Variants in STARD13 observed in about 807,000 individuals in gnomAD.
STARD13 encodes StAR related lipid transfer domain containing 13.
Under a neutral mutation model 106.4 loss-of-function variants are expected in STARD13, and 62 were observed. The observed-to-expected ratio is 0.58, with a 90% confidence interval of 0.48 to 0.72. The LOEUF (loss-of-function observed/expected upper bound fraction) is 0.72, where lower values mean the gene tolerates loss of function less well. Among genes scored for constraint, STARD13 ranks in the 30% least tolerant of loss-of-function variants. STARD13 has a pLI of 0.00. For missense variants in STARD13, 1,387 were observed against 1,424.0 expected (o/e 0.97, Z 0.42); for synonymous variants, 565 against 553.0 (o/e 1.02, Z -0.31).
At chr13:33,276,620 G>C (rs1197722475) in intron 1 of STARD13, 1 of 152,132 alleles carries the variant, frequency 6.6e-6, no homozygotes, top group African/African-American at 2.4e-5. Context: ...TTCACTCATA[G>C]AGATTGAATA....
chr13:33,423,894 T>C, the STARD13 span, among the ~76,000 whole-genome samples: 1 of 152,050 alleles, frequency 6.6e-6, no homozygotes, highest in Non-Finnish European at 1.5e-5. Context: ...AATTGAACAA[T>C]GAGAACACTT....
chr13:33,222,079 G>T (rs1888390308), intron 1 of STARD13, among the ~76,000 whole-genome samples: 1 of 151,628 alleles, frequency 6.6e-6, no homozygotes, highest in Non-Finnish European at 1.5e-5. Context: ...AACCCGGGAG[G>T]TAGAGGTTGC....
intron 1 of STARD13, among the ~76,000 whole-genome samples, chr13:33,303,943 C>T (rs1386957506): frequency 6.6e-6 from 1 of 152,204 alleles, no homozygotes; most frequent in Non-Finnish European, 1.5e-5. Flanking sequence ...AGTGTGACAT[C>T]ACCAGGAGCT....
At chr13:33,529,773 G>A in the STARD13 span, among the ~76,000 whole-genome samples, 1 of 152,108 alleles carries the variant, frequency 6.6e-6, no homozygotes, top group South Asian at 2.1e-4. Context: ...TATTTCAGGG[G>A]ATGGGAATCC....
chr13:33,147,224 T>C (rs114858938), intron 3 of STARD13, among the ~76,000 whole-genome samples: 69 of 152,308 alleles, frequency 4.5e-4, no homozygotes, highest in African/African-American at 1.6e-3. Context: ...GAGATGTCCA[T>C]AGGGGACTTA....
the STARD13 span, among the ~76,000 whole-genome samples, chr13:33,528,886 T>A: frequency 6.6e-6 from 1 of 152,202 alleles, no homozygotes; most frequent in Admixed American, 6.5e-5. Flanking sequence ...ATCATTCTAA[T>A]TTTTGCCAAA....
At chr13:33,193,517 G>A (rs973756931) in intron 1 of STARD13, among the ~76,000 whole-genome samples, 4 of 152,172 alleles carry the variant, frequency 2.6e-5, no homozygotes, top group Non-Finnish European at 5.9e-5. Flanking sequence ...TGACACTCAG[G>A]TAGACATTAC....
At chr13:33,537,058 G>GCAGCAAGA in the STARD13 span, among the ~76,000 whole-genome samples, 351 of 152,288 alleles carry the variant, frequency 2.3e-3, no homozygotes, top group African/African-American at 8.2e-3. Flanking sequence ...AACAATTTCA[G>GCAGCAAGA]GATTCATTAA....
the STARD13 span, among the ~76,000 whole-genome samples, chr13:33,425,322 G>T: frequency 6.6e-6 from 1 of 152,178 alleles, no homozygotes; most frequent in East Asian, 1.9e-4. Flanking sequence ...GCATGCCGAG[G>T]TAGGCACCAC....
the STARD13 span, chr13:33,657,575 G>A: frequency 2.0e-5 from 3 of 152,210 alleles, no homozygotes; most frequent in Non-Finnish European, 4.4e-5. Flanking sequence ...TGAACTTAGG[G>A]ACATGTTTGG....
chr13:33,525,149 G>A, the STARD13 span, among the ~76,000 whole-genome samples: 2 of 151,876 alleles, frequency 1.3e-5, no homozygotes, highest in African/African-American at 4.8e-5. Context: ...AGCCTCCCCA[G>A]TAGCTGGTAT....
the STARD13 span, among the ~76,000 whole-genome samples, chr13:33,566,780 G>A: frequency 1.4e-5 from 2 of 147,848 alleles, no homozygotes; most frequent in Non-Finnish European, 3.0e-5. Flanking sequence ...GCTCTCAGGT[G>A]CAGGCTATTA....
At chr13:33,359,029 G>T in the STARD13 span, among the ~76,000 whole-genome samples, 2 of 152,162 alleles carry the variant, frequency 1.3e-5, no homozygotes, top group Non-Finnish European at 2.9e-5. Flanking sequence ...TGACAAAACA[G>T]GCTACTGGGC....
chr13:33,578,370 A>G, the STARD13 span, among the ~76,000 whole-genome samples: 3 of 151,796 alleles, frequency 2.0e-5, no homozygotes, highest in African/African-American at 7.3e-5. Flanking sequence ...GATCTTTGAC[A>G]AAGCATAAGA....
At chr13:33,146,443 C>T (rs78343281) in intron 3 of STARD13, among the ~76,000 whole-genome samples, 4,172 of 152,190 alleles carry the variant, frequency 0.027, 204 homozygotes, top group African/African-American at 0.093. Context: ...GAGACCACGC[C>T]ACTGCACTCC....
intron 6 of STARD13, 31 bp downstream of exon 6, chr13:33,127,342 G>A (rs751154000): frequency 6.5e-7 from 1 of 1,527,302 alleles, no homozygotes; most frequent in Non-Finnish European, 8.8e-7. Flanking sequence ...CTAGAGCCAA[G>A]GATCCCCTCC....
chr13:33,638,587 C>T, the STARD13 span, among the ~76,000 whole-genome samples: 1 of 152,170 alleles, frequency 6.6e-6, no homozygotes, highest in African/African-American at 2.4e-5. Flanking sequence ...CTCCAGGTAG[C>T]AGGCTTCAGA....
chr13:33,206,926 G>A (rs966900008), intron 1 of STARD13, among the ~76,000 whole-genome samples: 8 of 152,232 alleles, frequency 5.3e-5, no homozygotes, highest in Admixed American at 4.6e-4. Flanking sequence ...TTTATTTCTC[G>A]GCAGTGTCCT....
chr13:33,663,103 G>A, the STARD13 span, among the ~76,000 whole-genome samples: 1 of 151,858 alleles, frequency 6.6e-6, no homozygotes, highest in South Asian at 2.1e-4. Context: ...TTTGGAGATA[G>A]GGTCTCATTC....
Sources: gnomAD v4.1 joint callset for allele counts (sites outside exome capture counted in the v4.1 genomes callset) on GRCh38, gnomAD v4.1.1 for gene constraint, MANE v1.5 for transcripts, NCBI Gene and HGNC (gene_info 2026-07-23, HGNC 2026-07-21) for gene names.